TOGARAM1: variants seen among roughly 807,000 people sequenced by gnomAD.
TOGARAM1 encodes TOG array regulator of axonemal microtubules protein 1.
In TOGARAM1, 100 loss-of-function variants were observed where a neutral mutation model predicts 166.6. That is an observed-to-expected ratio of 0.60 (90% confidence interval 0.51 to 0.71). TOGARAM1 has a LOEUF of 0.71. TOGARAM1 is among the 30% of genes least tolerant of loss of function. The probability of loss-of-function intolerance (pLI) is 0.00; values close to 1 mark genes in which losing one functional copy is unlikely to be tolerated. For missense variants in TOGARAM1, 2,029 were observed against 2,102.7 expected (o/e 0.96, Z 0.69); for synonymous variants, 758 against 763.8 (o/e 0.99, Z 0.13).
chr14:45,030,599 GAACCATCAAAAAAA>G (rs1465128302), intron 10 of TOGARAM1, among the ~76,000 whole-genome samples: 1 of 151,852 alleles, frequency 6.6e-6, no homozygotes, highest in Non-Finnish European at 1.5e-5. Context: ...GGGTCCATCT[GAACCATCAAAAAAA>G]AGTGAAAGGG....
intron 11 of TOGARAM1, among the ~76,000 whole-genome samples, chr14:45,041,742 C>G (rs1368448666): frequency 6.6e-6 from 1 of 152,200 alleles, no homozygotes; most frequent in Non-Finnish European, 1.5e-5. Context: ...GTTGTTCATT[C>G]CAAGTCAGGG....
Position 45,073,330 on chromosome 14 carries a change from TGCC to T in TOGARAM1, c.5092_5094del (p.Ala1698del). On this transcript the variant is annotated inframe_deletion, in exon 20 of 20. Coordinates refer to ENST00000361462, the MANE Select transcript of TOGARAM1 (RefSeq NM_001308120.2). Reference sequence around the variant, plus strand: ...CGGAACTTTATCAAAGGAAGCCGCATGCCACAGAGCAGAAAGTGTTGGTTGTTT... The same window carrying T: ...CGGAACTTTATCAAAGGAAGCCGCATACAGAGCAGAAAGTGTTGGTTGTTT... 6.2e-7 allele frequency: 1 copy of T among 1,613,878 alleles called. No individual in the cohort carries two copies. The highest frequency in any genetic ancestry group is 8.5e-7 in the Non-Finnish European group (1 of 1,179,908).
At chr14:44,994,892 G>T (rs1442110109) in intron 1 of TOGARAM1, among the ~76,000 whole-genome samples, 1 of 152,124 alleles carries the variant, frequency 6.6e-6, no homozygotes, top group Non-Finnish European at 1.5e-5. Flanking sequence ...GAAATATACT[G>T]ACAAGGTTTT....
Position 45,011,955 on chromosome 14 carries a change from AT to A in TOGARAM1, c.3138-18del. 2 of 1,546,592 alleles carry A rather than the reference AT, an allele frequency of 1.3e-6. No individual in the cohort carries two copies. Among genetic ancestry groups the A allele is most frequent in the African/African-American group, 2.8e-5 (2 of 72,702 alleles). ...GCACTAAATCTTAATGTTTATTGAA[AT>A]TACTTTGTTTCATTGCAGGTCAGAC... On this transcript the variant is annotated intron_variant, in intron 6 of 19. Coordinates refer to ENST00000361462, the MANE Select transcript of TOGARAM1 (RefSeq NM_001308120.2).
chr14:45,052,526 A>G lies in TOGARAM1; in HGVS notation c.4404A>G (p.Pro1468=). ...AGTATGTCCCATCTAAAGATTTGCC[A>G]TATATTAAGGACTCTGTTAGAAACT... ...LEKYVPSKDL[P]YIKDSVRNLQ... Residue 1468 remains proline (P), a synonymous_variant, in exon 15 of 20, where the codon CCA becomes CCG. Transcript: ENST00000361462. 6 of 1,612,292 alleles carry G rather than the reference A, an allele frequency of 3.7e-6. No homozygotes were observed. Among genetic ancestry groups the G allele is most frequent in the Non-Finnish European group, 4.2e-6 (5 of 1,179,126 alleles).
Position 44,962,765 on chromosome 14 carries a change from CT to C in TOGARAM1, c.347del (p.Leu116CysfsTer63). Reference sequence around the variant, plus strand: ...CGGGATCCTTCTGAGGCCTTCCAGGCTTTGCAAGCTGCTTTGCCGCGGCGGG... The same window carrying C: ...CGGGATCCTTCTGAGGCCTTCCAGGCTTGCAAGCTGCTTTGCCGCGGCGGG... ...TARDPSEAFQ[A>X]LQAALPRRGG... On this transcript the variant is annotated frameshift_variant, in exon 1 of 20. Transcript: ENST00000361462. LOFTEE classifies it high-confidence loss of function. 1 of 1,613,212 alleles carries C rather than the reference CT, an allele frequency of 6.2e-7. No homozygotes were observed. Among genetic ancestry groups the C allele is most frequent in the Non-Finnish European group, 8.5e-7 (1 of 1,180,020 alleles).
At chr14:45,032,726 T>C (rs1881231839) in intron 11 of TOGARAM1, among the ~76,000 whole-genome samples, 1 of 152,182 alleles carries the variant, frequency 6.6e-6, no homozygotes, top group Non-Finnish European at 1.5e-5. Context: ...CCTATTGTAG[T>C]GATAGCAGCC....
intron 3 of TOGARAM1, among the ~76,000 whole-genome samples, chr14:45,001,019 C>T (rs1462586328): frequency 6.6e-6 from 1 of 152,184 alleles, no homozygotes; most frequent in Non-Finnish European, 1.5e-5. Context: ...GTGCAAGCCA[C>T]CATGCCCAGC....
At position 45,025,728 on chromosome 14, in the gene TOGARAM1, T is replaced by G. The variant is rs1029490075; in HGVS notation, c.3239-55T>G. 3.1e-6 allele frequency: 3 copies of G among 973,262 alleles called. No individual in the cohort carries two copies. The African/African-American group carries it at 4.9e-5, about 16-fold the overall frequency. 60.3% of individuals were successfully genotyped at this position (973,262 alleles called of 1,614,324 possible). A position where few individuals can be genotyped will look rare whatever the true frequency, so the allele number is the denominator to read the frequency against. ...ACTATGTTACAATATCCTAAGATAC[T>G]ACATAATAAGCAAATATGTTTAAGT... On this transcript the variant is annotated intron_variant, in intron 7 of 19. Transcript: ENST00000361462.
chr14:44,995,987 T>C (rs751231936), intron 2 of TOGARAM1, 85 bp downstream of exon 2: 1 of 1,117,274 alleles, frequency 9.0e-7, no homozygotes, highest in Non-Finnish European at 1.3e-6. Flanking sequence ...CATAGAACTT[T>C]AATCTAGTAG....
At chr14:45,064,962 A>C (rs1465889138) in intron 16 of TOGARAM1, among the ~76,000 whole-genome samples, 1 of 151,916 alleles carries the variant, frequency 6.6e-6, no homozygotes, top group Admixed American at 6.6e-5. Flanking sequence ...TTCCTTTTTT[A>C]AAGTGGTTGA....
intron 6 of TOGARAM1, among the ~76,000 whole-genome samples, chr14:45,010,624 T>C (rs924704700): frequency 3.9e-5 from 6 of 152,216 alleles, no homozygotes; most frequent in African/African-American, 1.4e-4. Flanking sequence ...TGAATTCTGT[T>C]AGAAGGTAGT....
chr14:45,011,783 ATATG>A (rs1486610453), intron 6 of TOGARAM1, 188 bp from the exon 7 acceptor site: 52 of 417,762 alleles, frequency 1.2e-4, no homozygotes, highest in Admixed American at 2.5e-4. Flanking sequence ...AGCAAAATAT[ATATG>A]TGTGTGTGTG....
chr14:44,991,019 G>A (rs917596016), intron 1 of TOGARAM1, among the ~76,000 whole-genome samples: 1 of 143,342 alleles, frequency 7.0e-6, no homozygotes, highest in African/African-American at 2.7e-5. Flanking sequence ...GAGTGCTGTG[G>A]CACAGTTATG....
intron 1 of TOGARAM1, among the ~76,000 whole-genome samples, chr14:44,984,701 G>A (rs902296469): frequency 6.6e-5 from 10 of 151,792 alleles, no homozygotes; most frequent in Non-Finnish European, 1.5e-4. Context: ...ATAGAGCCCA[G>A]GAGTTCAGGT....
chr14:45,040,532 C>T (rs1371610333), intron 11 of TOGARAM1, among the ~76,000 whole-genome samples: 2 of 151,514 alleles, frequency 1.3e-5, no homozygotes, highest in African/African-American at 4.8e-5. Flanking sequence ...ATCAATAAAA[C>T]GGATAAGCCT....
At chr14:44,972,056 A>G (rs1885915189) in intron 1 of TOGARAM1, among the ~76,000 whole-genome samples, 1 of 152,138 alleles carries the variant, frequency 6.6e-6, no homozygotes, top group Non-Finnish European at 1.5e-5. Flanking sequence ...TTAAACAACC[A>G]GATCTCTTGA....
chr14:44,993,826 G>A (rs926266469), intron 1 of TOGARAM1, among the ~76,000 whole-genome samples: 18 of 152,072 alleles, frequency 1.2e-4, no homozygotes, highest in African/African-American at 4.3e-4. Flanking sequence ...TCCACCAGTT[G>A]TTGTATGTAT....
chr14:45,033,316 T>G (rs888567312), intron 11 of TOGARAM1, among the ~76,000 whole-genome samples: 4 of 152,096 alleles, frequency 2.6e-5, no homozygotes, highest in Non-Finnish European at 5.9e-5. Context: ...CTTTCTACAT[T>G]CATTTTGTAG....
Sources: allele counts gnomAD v4.1 joint callset (sites outside exome capture counted in the v4.1 genomes callset), GRCh38; gene constraint gnomAD v4.1.1; transcripts MANE v1.5; gene names NCBI Gene and HGNC (gene_info 2026-07-23, HGNC 2026-07-21).